The following PLAU variants were observed in gnomAD, a reference collection of about 807,000 sequenced individuals.
PLAU encodes the protein urokinase-type plasminogen activator.
PLAU carries 32 observed loss-of-function variants against 48.9 expected under a neutral mutation model. The observed-to-expected ratio is 0.65, with a 90% CI of 0.49 to 0.88. PLAU has a LOEUF of 0.88. Ranked by LOEUF, PLAU falls within the 40% of genes least tolerant of loss-of-function variation. The pLI is 0.00. For missense variants in PLAU, 455 were observed against 545.2 expected, an observed-to-expected ratio of 0.83 and a Z score of 1.65; for synonymous variants, 199 against 205.7, an observed-to-expected ratio of 0.97 and a Z score of 0.28.
In PLAU at chr10:73,913,384, G is replaced by A; in HGVS notation, c.460+3G>A. 1 of 1,612,458 alleles carries A rather than the reference G, an allele frequency of 6.2e-7. No homozygotes were observed. Among genetic ancestry groups the A allele is most frequent in the East Asian group, 2.2e-5 (1 of 44,866 alleles). On this transcript the variant is annotated splice_donor_region_variant and intron_variant, in intron 6 of 10. Coordinates refer to ENST00000372764, the MANE Select transcript of PLAU (RefSeq NM_002658.6). ...CATGGTGCATGACTGCGCAGATGGT[G>A]AGCATCACTGACCTGCTGATGACAG...
Position 73,912,467 on chromosome 10 carries a change from G to A in PLAU, c.193+145G>A, listed in dbSNP as rs55695810. ...GTGACAAGCATAAACACACACACAC[G>A]CTCACGAAACAGTGGCCACACAAAT... On this transcript the variant is annotated intron_variant, in intron 4 of 10. Coordinates refer to ENST00000372764, the MANE Select transcript of PLAU (RefSeq NM_002658.6). 1.2e-4 allele frequency: 79 copies of A among 664,866 alleles called. 1 individual carries two copies. The highest frequency in any genetic ancestry group is 1.1e-3 in the South Asian group (63 of 56,076). The allele number at this position is 664,866 out of a possible 1,614,324, so 41.2% of individuals were successfully genotyped here. A position where few individuals can be genotyped will look rare whatever the true frequency, so the allele number is the denominator to read the frequency against.
chr10:73,909,338 G>A (rs1473629500), upstream of PLAU: 1 of 152,170 alleles, frequency 6.6e-6, no homozygotes, highest in African/African-American at 2.4e-5. Context: ...TTCTGGTCAC[G>A]TTTATTTACA....
chr10:73,916,372 T>C lies in PLAU; in HGVS notation c.1120-17T>C, dbSNP rs2096136833. ...TCACTTCTCTAGGGCTCATCTTTTGTATCTTTGGCGTCACAGGGAGACTCA... is the reference window on the plus strand; with the variant it reads ...TCACTTCTCTAGGGCTCATCTTTTGCATCTTTGGCGTCACAGGGAGACTCA... On this transcript the variant is annotated splice_polypyrimidine_tract_variant and intron_variant, in intron 10 of 10. Coordinates refer to ENST00000372764, the MANE Select transcript of PLAU (RefSeq NM_002658.6). 1 of 1,609,042 alleles carries C rather than the reference T, an allele frequency of 6.2e-7. No individual in the cohort carries two copies. Among genetic ancestry groups the C allele is most frequent in the Non-Finnish European group, 8.5e-7 (1 of 1,177,436 alleles).
At chr10:73,911,035 C>G (rs539278940), upstream of PLAU, 171 of 155,322 alleles carry the variant, frequency 1.1e-3, no homozygotes, top group Non-Finnish European at 1.9e-3. Flanking sequence ...GGGTCCGGGT[C>G]GCTGAGCGCT....
chr10:73,914,059 T>A lies in PLAU; in HGVS notation c.760T>A (p.Phe254Ile), dbSNP rs773227513. 6.8e-6 allele frequency: 11 copies of A among 1,613,998 alleles called. No homozygotes were observed. The highest frequency in any genetic ancestry group is 8.5e-6 in the Non-Finnish European group (10 of 1,179,858). ...LNSNTQGEMK[F>I]EVENLILHKD... ...CTCCAACACGCAAGGGGAGATGAAG[T>A]TTGAGGTGGAAAACCTCATCCTACA... The change falls in exon 8 of 11, where the codon TTT (phenylalanine) becomes ATT (isoleucine). Residue 254 changes from phenylalanine to isoleucine, a missense_variant. By Grantham distance (21) the Phe-to-Ile change is conservative. Coordinates refer to ENST00000372764, the MANE Select transcript of PLAU (RefSeq NM_002658.6).
At chr10:73,911,932 C>A (rs201881239) in intron 2 of PLAU, 109 bp from the exon 3 acceptor site, 25 of 1,606,730 alleles carry the variant, frequency 1.6e-5, no homozygotes, top group Middle Eastern at 1.7e-4. Flanking sequence ...CAGGGTGAGG[C>A]GAGAGGGAGA....
chr10:73,909,056 T>C (rs2096119884), upstream of PLAU: 1 of 149,048 alleles, frequency 6.7e-6, no homozygotes, highest in Non-Finnish European at 1.5e-5. Flanking sequence ...CTGTGAAGAG[T>C]TGAAGTGCTA....
rs1439935724 is a variant in PLAU, at chr10:73,914,843, C to T, written c.897C>T (p.Cys299=). 14 of 1,613,970 alleles carry T rather than the reference C, an allele frequency of 8.7e-6. No individual in the cohort carries two copies. The highest frequency in any genetic ancestry group is 1.1e-5 in the Non-Finnish European group (13 of 1,179,926). Residue 299 remains cysteine (C), a synonymous_variant, in exon 9 of 11, where the codon TGC becomes TGT. Transcript: ENST00000372764. ...AQPSRTIQTI[C]LPSMYNDPQF... is the part of the protein sequence containing the mutation. ...CATCCCGGACTATACAGACCATCTG[C>T]CTGCCCTCGATGTATAACGATCCCC...
intron 2 of PLAU, 101 bp from the exon 3 acceptor site, chr10:73,911,940 A>G: frequency 6.2e-7 from 1 of 1,611,586 alleles, no homozygotes; most frequent in Non-Finnish European, 8.5e-7. Flanking sequence ...GGCGAGAGGG[A>G]GAGGGAAGAG....
chr10:73,915,171 C>A, intron 9 of PLAU, 80 bp from the exon 10 acceptor site: 1 of 1,433,596 alleles, frequency 7.0e-7, no homozygotes, highest in Admixed American at 2.0e-5. Flanking sequence ...GGTAGAGATA[C>A]TTTATGGTTC....
At position 73,913,203 on chromosome 10, in the gene PLAU, G is replaced by A. The variant is rs2227562; in HGVS notation, c.369-87G>A. 0.16 allele frequency: 244,994 copies of A among 1,567,112 alleles called. 21,148 individuals carry two copies. The highest frequency in any genetic ancestry group is 0.32 in the East Asian group (14,239 of 44,598). On this transcript the variant is annotated intron_variant, in intron 5 of 10. Transcript: ENST00000372764. ...GCTGGCCATAGCACAAGAGAAGTGC[G>A]GCCTCTGGTTGAGTCTTCCCTGAGG... is the stretch of plus-strand genomic sequence containing the variant.
rs1375551414 is a variant in PLAU at position 73,913,382 on chromosome 10, G to A, written c.460+1G>A. 31 of 1,612,930 alleles carry A rather than the reference G, an allele frequency of 1.9e-5. No individual in the cohort carries two copies. Among genetic ancestry groups the A allele is most frequent in the Non-Finnish European group, 2.6e-5 (31 of 1,179,030 alleles). On this transcript the variant is annotated splice_donor_variant, in intron 6 of 10. Coordinates refer to ENST00000372764, the MANE Select transcript of PLAU (RefSeq NM_002658.6). LOFTEE classifies it high-confidence loss of function. ...TGCATGGTGCATGACTGCGCAGATGGTGAGCATCACTGACCTGCTGATGAC... is the reference window on the plus strand; with the variant it reads ...TGCATGGTGCATGACTGCGCAGATGATGAGCATCACTGACCTGCTGATGAC...
chr10:73,913,499 C>A, intron 6 of PLAU, 40 bp from the exon 7 acceptor site: 1 of 1,568,512 alleles, frequency 6.4e-7, no homozygotes, highest in Non-Finnish European at 8.8e-7. Context: ...ATGCTTTCTC[C>A]TACCTGCCTC....
chr10:73,911,408 G>A (rs2096123624), intron 1 of PLAU, 117 bp from the exon 2 acceptor site: 2 of 1,084,036 alleles, frequency 1.8e-6, no homozygotes, highest in East Asian at 2.6e-5. Context: ...AGCCCAGAGA[G>A]GAGAGAGACA....
In PLAU at chr10:73,913,162, C is replaced by G; in HGVS notation, c.368+64C>G. 2.5e-6 allele frequency: 4 copies of G among 1,582,492 alleles called. No individual in the cohort carries two copies. In the South Asian group the frequency reaches 4.5e-5, roughly 18 times the overall value. On this transcript the variant is annotated intron_variant, in intron 5 of 10. Coordinates refer to ENST00000372764, the MANE Select transcript of PLAU (RefSeq NM_002658.6). ...AGCTTCCCAGAAACCTTGTTACCAT[C>G]CCCTTCTCCCAGAGGGCTGGCCATA...
At chr10:73,914,414 G>A (rs1455001961) in intron 8 of PLAU, among the ~76,000 whole-genome samples, 1 of 152,218 alleles carries the variant, frequency 6.6e-6, no homozygotes, top group Non-Finnish European at 1.5e-5. Flanking sequence ...CTGTTTATAT[G>A]AATTAGAAAA....
intron 9 of PLAU, 66 bp from the exon 10 acceptor site, chr10:73,915,183 CCT>C: frequency 6.7e-7 from 1 of 1,493,674 alleles, no homozygotes. Context: ...TTATGGTTCC[CCT>C]CTCTGGCAGA....
chr10:73,916,608 G>C lies in PLAU; in HGVS notation c.*43G>C. 1.3e-6 allele frequency: 2 copies of C among 1,528,610 alleles called. No homozygotes were observed. The highest frequency in any genetic ancestry group is 1.8e-6 in the Non-Finnish European group (2 of 1,122,062). 94.7% of individuals were successfully genotyped at this position (1,528,610 alleles called of 1,614,324 possible). A position where few individuals can be genotyped will look rare whatever the true frequency, so the allele number is the denominator to read the frequency against. On this transcript the variant is annotated 3_prime_UTR_variant, in exon 11 of 11. Transcript: ENST00000372764. The stretch of plus-strand genomic sequence containing the variant: ...ACGGGCACCACCCGCTTTCTTGCTG[G>C]TTGTCATTTTTGCAGTAGAGTCATC...
intron 2 of PLAU, 91 bp from the exon 3 acceptor site, chr10:73,911,950 G>A: frequency 6.2e-7 from 1 of 1,613,486 alleles, no homozygotes; most frequent in South Asian, 1.1e-5. Flanking sequence ...AGAGGGAAGA[G>A]TGGGTTTTGG....
Sources: gnomAD v4.1 joint callset for allele counts (sites outside exome capture counted in the v4.1 genomes callset) on GRCh38, gnomAD v4.1.1 for gene constraint, MANE v1.5 for transcripts, NCBI Gene and HGNC (gene_info 2026-07-23, HGNC 2026-07-21) for gene names.